The following TMEFF2 variants were observed in gnomAD, a reference collection of about 807,000 sequenced individuals.
TMEFF2 encodes tomoregulin-2.
TMEFF2 carries 28 observed loss-of-function variants against 53.8 expected under a neutral mutation model. The ratio of observed to expected loss-of-function variants is 0.52; its 90% CI spans 0.39 to 0.71. The LOEUF is 0.71. TMEFF2 is among the 30% of genes least tolerant of loss of function. TMEFF2 has a pLI of 0.00. For missense variants in TMEFF2, 353 were observed against 455.2 expected, an observed-to-expected ratio of 0.78 and a Z score of 2.04; for synonymous variants, 162 against 166.3, an observed-to-expected ratio of 0.97 and a Z score of 0.20.
intron 4 of TMEFF2, chr2:192,177,268 A>G (rs1388944405): frequency 1.3e-5 from 2 of 151,232 alleles, no homozygotes; most frequent in Non-Finnish European, 3.0e-5. Context: ...TATCATCTGT[A>G]TAAGAGAGAT....
Position 191,950,365 on chromosome 2 carries a change from A to G in TMEFF2, c.1071T>C (p.Asn357=), listed in dbSNP as rs745542791. 2 of 1,613,752 alleles carry G rather than the reference A, an allele frequency of 1.2e-6. No individual in the cohort carries two copies. The highest frequency in any genetic ancestry group is 2.7e-5 in the African/African-American group (2 of 74,918). Residue 357 remains asparagine, a synonymous_variant, in exon 10 of 10, where the codon AAT becomes AAC. Coordinates refer to ENST00000272771, the MANE Select transcript of TMEFF2 (RefSeq NM_016192.4). ...TATTGTCTGAACTGTAGTGCCCTGTATTTTGCTTCTGTCTGTGAATTCTGT... is the reference window on the plus strand; with the variant it reads ...TATTGTCTGAACTGTAGTGCCCTGTGTTTTGCTTCTGTCTGTGAATTCTGT... ...RSNRIHRQKQ[N]TGHYSSDNTT...
chr2:191,958,996 C>T (rs1692188031), intron 7 of TMEFF2, among the ~76,000 whole-genome samples: 1 of 152,072 alleles, frequency 6.6e-6, no homozygotes, highest in South Asian at 2.1e-4. Context: ...AATCTAATAT[C>T]CAAACAAACA....
chr2:191,998,872 G>A (rs548385761), intron 6 of TMEFF2, among the ~76,000 whole-genome samples, 188 bp downstream of exon 6: 5 of 151,878 alleles, frequency 3.3e-5, no homozygotes, highest in Non-Finnish European at 5.9e-5. Flanking sequence ...GACAGATCTG[G>A]ACGGTTGCTG....
intron 4 of TMEFF2, among the ~76,000 whole-genome samples, chr2:192,155,655 C>T (rs1690489962): frequency 1.3e-5 from 2 of 151,986 alleles, no homozygotes; most frequent in African/African-American, 4.8e-5. Context: ...AGTTTAAAAA[C>T]CATCTGAGGC....
intron 4 of TMEFF2, among the ~76,000 whole-genome samples, chr2:192,103,770 G>T (rs1000790757): frequency 1.3e-5 from 2 of 152,000 alleles, no homozygotes; most frequent in African/African-American, 2.4e-5. Context: ...GAAGGAATAT[G>T]AGAAATTGTA....
At chr2:192,066,453 C>G (rs1688171203) in intron 4 of TMEFF2, among the ~76,000 whole-genome samples, 1 of 151,714 alleles carries the variant, frequency 6.6e-6, no homozygotes, top group Non-Finnish European at 1.5e-5. Flanking sequence ...AAGAACCAAG[C>G]TTATGATTAA....
chr2:192,173,825 TA>T (rs1690973251), intron 4 of TMEFF2, among the ~76,000 whole-genome samples: 1 of 151,826 alleles, frequency 6.6e-6, no homozygotes, highest in Non-Finnish European at 1.5e-5. Flanking sequence ...ATCAATACTT[TA>T]AGCCATGGAC....
chr2:192,123,808 T>G (rs1293051109), intron 4 of TMEFF2, among the ~76,000 whole-genome samples: 1 of 152,222 alleles, frequency 6.6e-6, no homozygotes, highest in African/African-American at 2.4e-5. Context: ...TCGATTTTCC[T>G]ACTTGGAAAA....
At chr2:192,157,869 C>T (rs1002619347) in intron 4 of TMEFF2, among the ~76,000 whole-genome samples, 3 of 152,030 alleles carry the variant, frequency 2.0e-5, no homozygotes, top group Non-Finnish European at 4.4e-5. Context: ...TCTAGTCATG[C>T]CAAACCATCT....
At chr2:192,153,958 T>C (rs539082383) in intron 4 of TMEFF2, among the ~76,000 whole-genome samples, 1 of 151,924 alleles carries the variant, frequency 6.6e-6, no homozygotes, top group African/African-American at 2.4e-5. Context: ...TCTTACATGG[T>C]TGGGGGAAGG....
chr2:191,998,560 C>T (rs1264026644), intron 6 of TMEFF2, among the ~76,000 whole-genome samples: 1 of 151,834 alleles, frequency 6.6e-6, no homozygotes, highest in Non-Finnish European at 1.5e-5. Context: ...ACAATTATAA[C>T]TGAGAAAAAT....
chr2:192,178,238 A>C (rs555588327), intron 4 of TMEFF2: 74 of 151,222 alleles, frequency 4.9e-4, no homozygotes, highest in African/African-American at 1.8e-3. Flanking sequence ...ATTTTAAAAA[A>C]TTAATTGATT....
intron 4 of TMEFF2, among the ~76,000 whole-genome samples, chr2:192,095,767 G>A (rs1688888497): frequency 6.6e-6 from 1 of 152,138 alleles, no homozygotes; most frequent in African/African-American, 2.4e-5. Context: ...CACTCTGGGA[G>A]CGCAGCTTTT....
intron 5 of TMEFF2, among the ~76,000 whole-genome samples, chr2:192,056,320 A>G (rs1036027684): frequency 6.6e-6 from 1 of 151,994 alleles, no homozygotes; most frequent in Admixed American, 6.6e-5. Context: ...ATGAAGACAA[A>G]GGAGAAGGAA....
At chr2:191,973,087 AAG>A (rs199833517) in intron 7 of TMEFF2, among the ~76,000 whole-genome samples, 5,798 of 152,298 alleles carry the variant, frequency 0.038, 156 homozygotes, top group Admixed American at 0.065. Context: ...AAGGCAAGAT[AAG>A]TAAATCATGA....
At chr2:191,969,280 C>T (rs1692563841) in intron 7 of TMEFF2, among the ~76,000 whole-genome samples, 1 of 151,958 alleles carries the variant, frequency 6.6e-6, no homozygotes, top group South Asian at 2.1e-4. Flanking sequence ...GCTACTTCTA[C>T]CTCAGTGTGG....
At chr2:192,021,747 G>A (rs1430489917) in intron 5 of TMEFF2, among the ~76,000 whole-genome samples, 1 of 152,190 alleles carries the variant, frequency 6.6e-6, no homozygotes, top group African/African-American at 2.4e-5. Context: ...AAACTGAAAA[G>A]GAGCAGGGGC....
chr2:192,193,034 T>C (rs954444368), intron 1 of TMEFF2, among the ~76,000 whole-genome samples: 3 of 152,232 alleles, frequency 2.0e-5, no homozygotes, highest in Non-Finnish European at 4.4e-5. Context: ...TAAATTAGAA[T>C]GATGCATAAT....
At chr2:191,988,653 AT>A (rs71033651) in intron 7 of TMEFF2, among the ~76,000 whole-genome samples, 35,244 of 148,402 alleles carry the variant, frequency 0.24, 4,187 homozygotes, top group Non-Finnish European at 0.28. Flanking sequence ...CTTAAAAACT[AT>A]TTTTTTTTTT....
Sources: gnomAD v4.1 joint callset for allele counts (sites outside exome capture counted in the v4.1 genomes callset) on GRCh38, gnomAD v4.1.1 for gene constraint, MANE v1.5 for transcripts, NCBI Gene and HGNC (gene_info 2026-07-23, HGNC 2026-07-21) for gene names.